ATG4C: variants seen among roughly 807,000 people sequenced by gnomAD.
The protein encoded by ATG4C is cysteine protease ATG4C.
Under a neutral mutation model 57.6 loss-of-function variants are expected in ATG4C, and 56 were observed. The observed-to-expected ratio is 0.97, with a 90% CI of 0.78 to 1.21. ATG4C has a LOEUF of 1.21. ATG4C is among the 50% of genes most tolerant of loss of function. The probability of loss-of-function intolerance (pLI) is 0.00; values close to 1 mark genes in which losing one functional copy is unlikely to be tolerated. For missense variants in ATG4C, 595 were observed against 529.8 expected (o/e 1.12, Z -1.21); for synonymous variants, 157 against 174.1 (o/e 0.90, Z 0.78).
chr1:62,849,517 CT>C (rs886127646), intron 10 of ATG4C, among the ~76,000 whole-genome samples: 415 of 146,026 alleles, frequency 2.8e-3, no homozygotes, highest in African/African-American at 8.3e-3. Flanking sequence ...CATACTTTAT[CT>C]TTTTTTTTTT....
chr1:62,789,126 A>G (rs1317130389), intron 1 of ATG4C, among the ~76,000 whole-genome samples: 1 of 152,186 alleles, frequency 6.6e-6, no homozygotes, highest in Non-Finnish European at 1.5e-5. Context: ...AGCCATTGAT[A>G]AAAGCATTGG....
Position 62,864,298 on chromosome 1 carries a change from A to G in ATG4C, c.*139A>G, listed in dbSNP as rs1666942018. 1.5e-6 allele frequency: 1 copy of G among 664,540 alleles called. No individual in the cohort carries two copies. Among genetic ancestry groups the G allele is most frequent in the Non-Finnish European group, 2.4e-6 (1 of 418,318 alleles). 41.2% of individuals were successfully genotyped at this position (664,540 alleles called of 1,614,324 possible). On this transcript the variant is annotated 3_prime_UTR_variant, in exon 11 of 11. Transcript: ENST00000317868. The stretch of plus-strand genomic sequence containing the variant: ...TTAAAAAAGAACATTTGAAAATATA[A>G]CAGTTAAAGATATTTTTCTAAAAGA...
At chr1:62,831,650 CAG>C (rs1665843897) in intron 7 of ATG4C, among the ~76,000 whole-genome samples, 1 of 151,772 alleles carries the variant, frequency 6.6e-6, no homozygotes, top group South Asian at 2.1e-4. Flanking sequence ...CTGATTACTT[CAG>C]TCTTATTTAT....
At chr1:62,838,768 GA>G (rs1436466095) in intron 9 of ATG4C, among the ~76,000 whole-genome samples, 1 of 144,382 alleles carries the variant, frequency 6.9e-6, no homozygotes, top group Non-Finnish European at 1.5e-5. Context: ...CGACAAGAGT[GA>G]AACTTCATCT....
At chr1:62,797,429 G>A (rs1045196434) in intron 1 of ATG4C, among the ~76,000 whole-genome samples, 5 of 151,956 alleles carry the variant, frequency 3.3e-5, no homozygotes, top group African/African-American at 1.2e-4. Flanking sequence ...TTGTTTATGA[G>A]TTAATAATTT....
In ATG4C at chr1:62,819,158, G is replaced by A. The variant is rs1665393341; in HGVS notation, c.548G>A (p.Gly183Glu). ...TPTISLKETI[G>E]KYSDDHEMRN... ...ACAATTTCTCTGAAGGAAACAATTG[G>A]GAAATATTCTGATGATCATGAAATG... The change falls in exon 5 of 11, where the codon GGG becomes GAG. Residue 183 changes from glycine to glutamate, a missense_variant. Gly to Glu is a moderately conservative substitution (Grantham distance 98). Coordinates refer to ENST00000317868, the MANE Select transcript of ATG4C (RefSeq NM_032852.4). 1 of 1,613,088 alleles carries A rather than the reference G, an allele frequency of 6.2e-7. No individual in the cohort carries two copies.
At chr1:62,802,954 G>T (rs969170063) in intron 1 of ATG4C, among the ~76,000 whole-genome samples, 1 of 152,168 alleles carries the variant, frequency 6.6e-6, no homozygotes, top group African/African-American at 2.4e-5. Context: ...TCTTAAAAGG[G>T]TAATGTTCTG....
intron 3 of ATG4C, among the ~76,000 whole-genome samples, chr1:62,815,962 G>A (rs1247904174): frequency 2.0e-5 from 3 of 152,062 alleles, no homozygotes; most frequent in Non-Finnish European, 4.4e-5. Flanking sequence ...TGAGATTACA[G>A]GCGTGAGCCA....
At chr1:62,854,747 G>C (rs1355336456) in intron 10 of ATG4C, among the ~76,000 whole-genome samples, 1 of 152,176 alleles carries the variant, frequency 6.6e-6, no homozygotes, top group Non-Finnish European at 1.5e-5. Context: ...ATCATGTAAT[G>C]AGCTTGCCTT....
At chr1:62,793,347 C>T (rs1664348833) in intron 1 of ATG4C, among the ~76,000 whole-genome samples, 2 of 151,560 alleles carry the variant, frequency 1.3e-5, no homozygotes, top group Admixed American at 6.6e-5. Context: ...CACAGTGGCT[C>T]ATGCCTGTAG....
At chr1:62,832,750 G>C (rs1313555113) in intron 7 of ATG4C, among the ~76,000 whole-genome samples, 1 of 152,126 alleles carries the variant, frequency 6.6e-6, no homozygotes, top group Non-Finnish European at 1.5e-5. Context: ...ACTTATAACA[G>C]TGAGAACTTG....
chr1:62,850,870 AT>A (rs2100356852), intron 10 of ATG4C, among the ~76,000 whole-genome samples: 2 of 83,504 alleles, frequency 2.4e-5, no homozygotes, highest in Admixed American at 2.5e-4. Flanking sequence ...ATATATATAT[AT>A]ATATATATAT....
intron 10 of ATG4C, among the ~76,000 whole-genome samples, chr1:62,845,454 A>G (rs1255041348): frequency 1.3e-5 from 2 of 152,040 alleles, no homozygotes; most frequent in African/African-American, 2.4e-5. Flanking sequence ...TATGAAGGAA[A>G]TCTTTACAAT....
chr1:62,807,924 G>C (rs1028206361), intron 3 of ATG4C, among the ~76,000 whole-genome samples: 10 of 152,152 alleles, frequency 6.6e-5, no homozygotes, highest in African/African-American at 2.4e-4. Flanking sequence ...GATCTTATGG[G>C]ACAGTCCTTA....
At position 62,844,075 on chromosome 1, in the gene ATG4C, A is replaced by G. The variant is rs1003071142; in HGVS notation, c.1209+2528A>G. 3.2e-4 allele frequency among the ~76,000 whole-genome samples: 49 copies of G among 152,316 alleles called. 1 individual carries two copies. The highest frequency in any genetic ancestry group is 1.1e-3 in the African/African-American group (47 of 41,578). ...ACCAAAAGGAAAAGTATAGAAGGAA[A>G]GTGGAGAGTTTGTCTAGAGAATGGC... On this transcript the variant is annotated intron_variant, in intron 10 of 10. Transcript: ENST00000317868.
intron 1 of ATG4C, among the ~76,000 whole-genome samples, chr1:62,786,702 A>C (rs6661082): frequency 0.059 from 9,058 of 152,272 alleles, 888 homozygotes; most frequent in African/African-American, 0.21. Flanking sequence ...ACAGTGGTAT[A>C]GTAGTGAGTA....
chr1:62,853,726 A>G (rs1302239076), intron 10 of ATG4C, among the ~76,000 whole-genome samples: 1 of 152,208 alleles, frequency 6.6e-6, no homozygotes, highest in Non-Finnish European at 1.5e-5. Context: ...GATTACAGGC[A>G]TGAGCCACTG....
intron 10 of ATG4C, among the ~76,000 whole-genome samples, chr1:62,854,942 CACTT>C (rs772874208): frequency 3.4e-4 from 52 of 152,190 alleles, no homozygotes; most frequent in East Asian, 9.7e-4. Context: ...TTTAGACTGA[CACTT>C]AATTATTCAG....
chr1:62,787,144 GT>G (rs1307952537), intron 1 of ATG4C, among the ~76,000 whole-genome samples: 1 of 152,152 alleles, frequency 6.6e-6, no homozygotes, highest in Non-Finnish European at 1.5e-5. Context: ...AGTATTTTTT[GT>G]TGTGGTAGCA....
Sources: allele counts gnomAD v4.1 joint callset (sites outside exome capture counted in the v4.1 genomes callset), GRCh38; gene constraint gnomAD v4.1.1; transcripts MANE v1.5; gene names NCBI Gene and HGNC (gene_info 2026-07-23, HGNC 2026-07-21).